Variants in MYBPC1 observed in about 807,000 individuals in gnomAD.
MYBPC1 encodes the protein myosin binding protein C1.
In MYBPC1, 52 loss-of-function variants were observed where a neutral mutation model predicts 147.1. The observed-to-expected ratio is 0.35, with a 90% confidence interval of 0.28 to 0.45. The LOEUF (loss-of-function observed/expected upper bound fraction) is 0.45, where lower values mean the gene tolerates loss of function less well. Ranked by LOEUF, MYBPC1 falls within the 20% of genes least tolerant of loss-of-function variation. The probability of loss-of-function intolerance (pLI) is 1.00; values close to 1 mark genes in which losing one functional copy is unlikely to be tolerated. For synonymous variants in MYBPC1, 477 were observed against 475.9 expected (o/e 1.00, Z -0.03); for missense variants, 1,228 against 1,440.3 (o/e 0.85, Z 2.39).
At chr12:101,634,021 C>G (rs1443126899) in intron 8 of MYBPC1, among the ~76,000 whole-genome samples, 1 of 151,928 alleles carries the variant, frequency 6.6e-6, no homozygotes, top group Non-Finnish European at 1.5e-5. Context: ...CTCAGCCTCC[C>G]GAGTAGCTGG....
At chr12:101,615,289 T>C (rs574026061) in intron 2 of MYBPC1, among the ~76,000 whole-genome samples, 1 of 152,316 alleles carries the variant, frequency 6.6e-6, no homozygotes, top group South Asian at 2.1e-4. Context: ...ATCAGCCAAA[T>C]AGCCCCAAGA....
chr12:101,614,148 T>C (rs368566155), intron 1 of MYBPC1, among the ~76,000 whole-genome samples: 17 of 152,142 alleles, frequency 1.1e-4, no homozygotes, highest in African/African-American at 4.1e-4. Flanking sequence ...TCAGCACAAG[T>C]AAATGCCCGG....
At chr12:101,658,159 A>T (rs1478333138) in intron 18 of MYBPC1, among the ~76,000 whole-genome samples, 1 of 151,820 alleles carries the variant, frequency 6.6e-6, no homozygotes, top group African/African-American at 2.4e-5. Context: ...AGAGCAAATC[A>T]AACCCAACAA....
At chr12:101,595,242 AC>A in intron 1 of MYBPC1, 147 bp downstream of exon 1, 1 of 775,472 alleles carries the variant, frequency 1.3e-6, no homozygotes, top group Non-Finnish European at 2.1e-6. Context: ...GATTAAACAG[AC>A]CAGAGGAAAA....
intron 18 of MYBPC1, among the ~76,000 whole-genome samples, chr12:101,658,193 A>G (rs1176523465): frequency 2.0e-5 from 3 of 152,066 alleles, no homozygotes; most frequent in Non-Finnish European, 4.4e-5. Context: ...TTATACACCA[A>G]GACCAAGTGA....
At chr12:101,669,196 A>G (rs578246184) in intron 23 of MYBPC1, among the ~76,000 whole-genome samples, 4 of 152,186 alleles carry the variant, frequency 2.6e-5, no homozygotes, top group Non-Finnish European at 4.4e-5. Context: ...TGTCTGAAGT[A>G]CTTAGGCTGC....
intron 24 of MYBPC1, among the ~76,000 whole-genome samples, chr12:101,672,630 A>G (rs1003406209): frequency 2.0e-5 from 3 of 152,098 alleles, no homozygotes; most frequent in Non-Finnish European, 2.9e-5. Flanking sequence ...TGTGAATCAC[A>G]TGAGGTCAGG....
intron 29 of MYBPC1, among the ~76,000 whole-genome samples, chr12:101,681,576 ATATATATATATATATATTTT>A (rs1950965984): frequency 4.7e-5 from 1 of 21,434 alleles, no homozygotes; most frequent in African/African-American, 2.4e-4. Context: ...ATATATATAT[ATATATATATATATATATTTT>A]TTTTTTTTTT....
intron 10 of MYBPC1, among the ~76,000 whole-genome samples, chr12:101,640,008 A>G (rs1453742362): frequency 6.6e-6 from 1 of 152,044 alleles, no homozygotes; most frequent in Non-Finnish European, 1.5e-5. Flanking sequence ...GAACATACAT[A>G]TACATCTTTT....
intron 3 of MYBPC1, among the ~76,000 whole-genome samples, chr12:101,622,639 G>A (rs1887689591): frequency 6.6e-6 from 1 of 152,130 alleles, no homozygotes; most frequent in Admixed American, 6.5e-5. Context: ...GGAGACCGAG[G>A]CAGAAGAATT....
At chr12:101,657,564 A>C (rs1895756058) in intron 18 of MYBPC1, among the ~76,000 whole-genome samples, 1 of 152,174 alleles carries the variant, frequency 6.6e-6, no homozygotes, top group Admixed American at 6.5e-5. Flanking sequence ...ATTATGAACA[A>C]CTCTATGCCC....
At chr12:101,629,963 T>C (rs1258130267) in intron 6 of MYBPC1, among the ~76,000 whole-genome samples, 1 of 152,202 alleles carries the variant, frequency 6.6e-6, no homozygotes, top group Non-Finnish European at 1.5e-5. Flanking sequence ...GTTCGCAATG[T>C]TGTACAGCCA....
chr12:101,654,325 C>T (rs1401539433), intron 18 of MYBPC1, among the ~76,000 whole-genome samples: 1 of 152,008 alleles, frequency 6.6e-6, no homozygotes, highest in Non-Finnish European at 1.5e-5. Flanking sequence ...GAAATAACCC[C>T]CAAAATAGAC....
chr12:101,628,160 T>C, intron 5 of MYBPC1: 1 of 320,918 alleles, frequency 3.1e-6, no homozygotes, highest in South Asian at 2.7e-5. Flanking sequence ...TTCAAATGCA[T>C]CCTATCAGCT....
the MYBPC1 span, among the ~76,000 whole-genome samples, chr12:101,693,561 C>T: frequency 3.2e-4 from 49 of 152,048 alleles, no homozygotes; most frequent in African/African-American, 1.1e-3. Flanking sequence ...GCCAACATGG[C>T]GAAACCCCAT....
chr12:101,636,705 C>T lies in MYBPC1; in HGVS notation c.642C>T (p.Asp214=), dbSNP rs758364410. 8.7e-6 allele frequency: 14 copies of T among 1,613,548 alleles called. No homozygotes were observed. The African/African-American group carries it at 1.6e-4, about 18-fold the overall frequency. The change falls in exon 10 of 32, where the codon GAC becomes GAT. Residue 214 remains aspartate (D), a synonymous_variant. Transcript: ENST00000361466. ...GEGQEDAGEL[D]FSGLLKRREV... Reference sequence around the variant, plus strand: ...GTCAAGAGGATGCAGGAGAACTTGACTTTAGTGGTCTCCTGAAACGTAGGT... The same window carrying T: ...GTCAAGAGGATGCAGGAGAACTTGATTTTAGTGGTCTCCTGAAACGTAGGT...
intron 11 of MYBPC1, among the ~76,000 whole-genome samples, chr12:101,643,241 C>G (rs1210095019): frequency 6.6e-6 from 1 of 151,954 alleles, no homozygotes; most frequent in Non-Finnish European, 1.5e-5. Context: ...AAGATTTTTA[C>G]CACCCTTTAA....
chr12:101,667,834 T>C lies in MYBPC1; in HGVS notation c.2459T>C (p.Val820Ala), dbSNP rs1565991577. The C allele has an allele frequency of 6.2e-7, 1 of 1,614,088 alleles. No homozygotes were observed. The highest frequency in any genetic ancestry group is 1.3e-5 in the African/African-American group (1 of 74,934). Residue 820 changes from valine (V) to alanine (A), a missense_variant, in exon 23 of 32, where the codon GTT (valine) becomes GCT (alanine). Transcript: ENST00000361466. Reference sequence around the variant, plus strand: ...AAGATCTTTGTGCGTGTGAAGGCTGTTAATGCAGCTGGTGCCAGCGAGCCC... The same window carrying C: ...AAGATCTTTGTGCGTGTGAAGGCTGCTAATGCAGCTGGTGCCAGCGAGCCC... ...DAKIFVRVKAVNAAGASEPKY... is the reference protein window; with the variant it reads ...DAKIFVRVKAANAAGASEPKY...
At chr12:101,637,425 A>T (rs1013396693) in intron 10 of MYBPC1, among the ~76,000 whole-genome samples, 1 of 152,102 alleles carries the variant, frequency 6.6e-6, no homozygotes, top group East Asian at 1.9e-4. Flanking sequence ...ATATATTTCT[A>T]TAACTGCTAT....
Sources: allele counts gnomAD v4.1 joint callset (sites outside exome capture counted in the v4.1 genomes callset), GRCh38; gene constraint gnomAD v4.1.1; transcripts MANE v1.5; gene names NCBI Gene and HGNC (gene_info 2026-07-23, HGNC 2026-07-21).